SNRNP200: variants seen among roughly 807,000 people sequenced by gnomAD.
The protein encoded by SNRNP200 is U5 small nuclear ribonucleoprotein 200 kDa helicase.
Under a neutral mutation model 255.2 loss-of-function variants are expected in SNRNP200, and 66 were observed. That is an observed-to-expected ratio of 0.26 (90% CI 0.21 to 0.32). The LOEUF is 0.32. SNRNP200 is among the 10% of genes least tolerant of loss of function. The probability of loss-of-function intolerance (pLI) is 1.00; values close to 1 mark genes in which losing one functional copy is unlikely to be tolerated. For synonymous variants in SNRNP200, 939 were observed against 1,027.8 expected (o/e 0.91, Z 1.65); for missense variants, 1,585 against 2,749.8 (o/e 0.58, Z 9.47).
In SNRNP200 at chr2:96,296,627, A is replaced by G; in HGVS notation, c.1580T>C (p.Met527Thr). The change falls in exon 13 of 45, where the codon ATG becomes ACG. Residue 527 changes from methionine (M) to threonine (T), a missense_variant. Met to Thr is a moderately conservative substitution (Grantham distance 81). This residue lies in a region of SNRNP200 where 383 missense variants were observed against 645.3 expected (regional missense o/e 0.59). Coordinates refer to ENST00000323853, the MANE Select transcript of SNRNP200 (RefSeq NM_014014.5). ...MLREIGKHIN[M>T]DGTINVDDFK... is the part of the protein sequence containing the mutation. ...GTCATCCACATTGATGGTGCCGTCC[A>G]TGTTTATGTGTTTCCCAATCTCTCG... 6.2e-7 allele frequency: 1 copy of G among 1,614,146 alleles called. No individual in the cohort carries two copies. The highest frequency in any genetic ancestry group is 1.1e-5 in the South Asian group (1 of 91,080).
chr2:96,295,831 T>C (rs1355008744), intron 13 of SNRNP200, among the ~76,000 whole-genome samples, 173 bp from the exon 14 acceptor site: 1 of 152,004 alleles, frequency 6.6e-6, no homozygotes, highest in African/African-American at 2.4e-5. Context: ...CAAATTTAAC[T>C]CAGGCAAATA....
At chr2:96,279,233 T>A (rs1250602829) in intron 36 of SNRNP200, 12 of 645,182 alleles carry the variant, frequency 1.9e-5, no homozygotes, top group Non-Finnish European at 3.0e-5. Context: ...GAGAACCAAG[T>A]AGAGGGTGAA....
chr2:96,278,381 G>C lies in SNRNP200; in HGVS notation c.5489-23C>G, dbSNP rs762805972. 1.2e-6 allele frequency: 2 copies of C among 1,613,994 alleles called. No homozygotes were observed. The highest frequency in any genetic ancestry group is 1.7e-6 in the Non-Finnish European group (2 of 1,179,926). ...GCTCTGACAGAAAAAGGAAATGTGA[G>C]AGAAGCTAAAACCAGGCAGAGAAGG... On this transcript the variant is annotated intron_variant, in intron 38 of 44. Transcript: ENST00000323853. This position sits in a 1 kb window ranked among gnomAD's most constrained non-coding sequence, Gnocchi z 6.9.
intron 21 of SNRNP200, 121 bp downstream of exon 21, chr2:96,289,677 CT>C: frequency 1.1e-6 from 1 of 906,772 alleles, no homozygotes; most frequent in Non-Finnish European, 1.8e-6. Flanking sequence ...CATTTTTCTG[CT>C]GTTCTAAGCA....
rs779316946 is a variant in SNRNP200, at chr2:96,299,373, T to G, written c.685A>C (p.Met229Leu). ...CGCACGACAGCCTCGTCCCCTTCCA[T>G]GTCATCATCAGATGCCTCTTCTCGA... ...EVREEASDDD[M>L]EGDEAVVRCT... is the part of the protein sequence containing the mutation. Residue 229 changes from methionine (M) to leucine (L), a missense_variant, in exon 6 of 45, where the codon ATG becomes CTG. Physicochemically the swap from Met to Leu is conservative, Grantham distance 15. Coordinates refer to ENST00000323853, the MANE Select transcript of SNRNP200 (RefSeq NM_014014.5). 2.5e-6 allele frequency: 4 copies of G among 1,614,168 alleles called. No homozygotes were observed. In the South Asian group the frequency reaches 3.3e-5, roughly 13 times the overall value.
rs1338334381 is a variant in SNRNP200, at chr2:96,298,682, T to C, written c.903A>G (p.Glu301=). ...GCAGCAGAACCAGCTGATTTTCACA[T>C]TCCCGATCATCACTGGCCGTCTGCA... is the stretch of plus-strand genomic sequence containing the variant. ...EILKTASDDR[E]CENQLVLLLG... The change falls in exon 8 of 45, where the codon GAA becomes GAG. Residue 301 remains glutamate, a synonymous_variant. Transcript: ENST00000323853. The C allele has an allele frequency of 1.5e-5, 24 of 1,614,088 alleles. No individual in the cohort carries two copies. Among genetic ancestry groups the C allele is most frequent in the Non-Finnish European group, 2.0e-5 (24 of 1,180,050 alleles).
In SNRNP200 at chr2:96,287,485, C is replaced by T. The variant is rs1249004019; in HGVS notation, c.3438G>A (p.Lys1146=). The part of the protein sequence containing the change: ...PEEVVKKIEK[K]NFPFERLYDL... ...CGTACAGACGCTCAAAGGGGAAATT[C>T]TTCTTCTCAATCTTCTTCACTACTT... is the stretch of plus-strand genomic sequence containing the variant. The change falls in exon 26 of 45, where the codon AAG becomes AAA. Residue 1146 remains lysine (K), a synonymous_variant. Transcript: ENST00000323853. This position sits in a 1 kb window ranked among gnomAD's most constrained non-coding sequence, Gnocchi z 5.7. 2.5e-6 allele frequency: 4 copies of T among 1,613,988 alleles called. No homozygotes were observed. Among genetic ancestry groups the T allele is most frequent in the African/African-American group, 1.3e-5 (1 of 74,890 alleles).
At chr2:96,281,701 G>A (rs927508301) in intron 35 of SNRNP200, 113 bp downstream of exon 35, 4 of 897,128 alleles carry the variant, frequency 4.5e-6, no homozygotes, top group Admixed American at 1.8e-5. Context: ...CATCTCAGCT[G>A]TTAACTTCCC....
intron 1 of SNRNP200, among the ~76,000 whole-genome samples, chr2:96,305,178 A>G (rs951706868): frequency 7.9e-5 from 12 of 152,082 alleles, no homozygotes; most frequent in Non-Finnish European, 4.4e-5. Flanking sequence ...TTAGCGTTGA[A>G]GGTACTCGAG....
rs1004074635 is a variant in SNRNP200 at position 96,291,181 on chromosome 2, T to A, written c.2421+211A>T. On this transcript the variant is annotated intron_variant, in intron 18 of 44. Coordinates refer to ENST00000323853, the MANE Select transcript of SNRNP200 (RefSeq NM_014014.5). The surrounding 1 kb of genome is among the most constrained non-coding windows in gnomAD (Gnocchi z 4.2). ...AGTCACCAAAGTGCTTGCTTCACTA[T>A]GCTTCTCAGACTATCCTAAACTCAA... 6.6e-6 allele frequency among the ~76,000 whole-genome samples: 1 copy of A among 152,206 alleles called. No individual in the cohort carries two copies. Among genetic ancestry groups the A allele is most frequent in the Admixed American group, 6.5e-5 (1 of 15,282 alleles).
In SNRNP200 at chr2:96,293,368, C is replaced by T; in HGVS notation, c.1984G>A (p.Ala662Thr). 6.2e-7 allele frequency: 1 copy of T among 1,614,184 alleles called. No individual in the cohort carries two copies. Among genetic ancestry groups the T allele is most frequent in the South Asian group, 1.1e-5 (1 of 91,078 alleles). Residue 662 changes from alanine (A) to threonine (T), a missense_variant, in exon 15 of 45, where the codon GCC becomes ACC. Physicochemically the swap from Ala to Thr is moderately conservative, Grantham distance 58. Coordinates refer to ENST00000323853, the MANE Select transcript of SNRNP200 (RefSeq NM_014014.5). ...SATLPNYEDV[A>T]TFLRVDPAKG... Reference sequence around the variant, plus strand: ...GCAGGGTCAACACGTAGAAAGGTGGCTACATCTTCATAGTTGGGTAGGGTG... The same window carrying T: ...GCAGGGTCAACACGTAGAAAGGTGGTTACATCTTCATAGTTGGGTAGGGTG...
rs775905225 is a variant in SNRNP200 at position 96,289,339 on chromosome 2, G to A, written c.2981C>T (p.Thr994Ile). The A allele has an allele frequency of 6.2e-7, 1 of 1,614,156 alleles. No homozygotes were observed. The highest frequency in any genetic ancestry group is 1.7e-5 in the Admixed American group (1 of 60,034). The change falls in exon 22 of 45, where the codon ACC becomes ATC. Residue 994 changes from threonine to isoleucine, a missense_variant. This residue lies in a region of SNRNP200 where 719 missense variants were observed against 1,091.1 expected (regional missense o/e 0.66). Transcript: ENST00000323853. Reference protein sequence around the residue: ...LGRIASHYYITNDTVQTYNQL... With the variant: ...LGRIASHYYIINDTVQTYNQL... ...GTTGTAAGTCTGCACTGTATCATTG[G>A]TGATGTAGTAGTGGCTGGCTATACG...
In SNRNP200 at chr2:96,290,532, A is replaced by T. The variant is rs780164066; in HGVS notation, c.2554-18T>A. On this transcript the variant is annotated intron_variant, in intron 19 of 44. Coordinates refer to ENST00000323853, the MANE Select transcript of SNRNP200 (RefSeq NM_014014.5). The surrounding 1 kb of genome is among the most constrained non-coding windows in gnomAD (Gnocchi z 4.5). Reference sequence around the variant, plus strand: ...CCCAGCATCTAGATCAGAGACAGCGAACCAAGAATGCTATGTCAAGAGAAT... The same window carrying T: ...CCCAGCATCTAGATCAGAGACAGCGTACCAAGAATGCTATGTCAAGAGAAT... 1.2e-6 allele frequency: 2 copies of T among 1,614,220 alleles called. No homozygotes were observed. The highest frequency in any genetic ancestry group is 2.2e-5 in the South Asian group (2 of 91,088).
chr2:96,284,114 T>C, intron 31 of SNRNP200, 110 bp from the exon 32 acceptor site: 1 of 1,085,452 alleles, frequency 9.2e-7, no homozygotes. Context: ...CATTCTTCCT[T>C]CTAACTAGGA....
In SNRNP200 at chr2:96,299,400, C is replaced by G; in HGVS notation, c.658G>C (p.Val220Leu). The G allele has an allele frequency of 6.2e-7, 1 of 1,614,118 alleles. No homozygotes were observed. The change falls in exon 6 of 45, where the codon GTT becomes CTT. Residue 220 changes from valine (V) to leucine (L), a missense_variant. Physicochemically the swap from Val to Leu is conservative, Grantham distance 32. Around this residue, in one of 9 missense-constraint regions of SNRNP200, gnomAD observed 383 missense variants for 645.3 expected, o/e 0.59. Transcript: ENST00000323853. ...EEGDEDVYGE[V>L]REEASDDDME... The stretch of plus-strand genomic sequence containing the variant: ...TCATCATCAGATGCCTCTTCTCGAA[C>G]CTCCCCGTATACGTCTTCATCACCT...
Position 96,277,334 on chromosome 2 carries a change from C to CT in SNRNP200, c.5932-94dup. The CT allele has an allele frequency of 7.1e-7, 1 of 1,409,612 alleles. No individual in the cohort carries two copies. The highest frequency in any genetic ancestry group is 1.0e-6 in the Non-Finnish European group (1 of 997,470). The allele number at this position is 1,409,612 out of a possible 1,614,324, so 87.3% of individuals were successfully genotyped here. A position where few individuals can be genotyped will look rare whatever the true frequency, so the allele number is the denominator to read the frequency against. On this transcript the variant is annotated intron_variant, in intron 41 of 44. Coordinates refer to ENST00000323853, the MANE Select transcript of SNRNP200 (RefSeq NM_014014.5). The surrounding 1 kb of genome is among the most constrained non-coding windows in gnomAD (Gnocchi z 4.4). ...AGAGCTACTAATTTTACCTCCTACA[C>CT]TATCAAGTCATCTAGATAAAACAGC...
intron 8 of SNRNP200, 26 bp downstream of exon 8, chr2:96,298,577 G>T: frequency 6.2e-7 from 1 of 1,607,798 alleles, no homozygotes; most frequent in Non-Finnish European, 8.5e-7. Context: ...TACTCACTCT[G>T]CAGGAAGACC....
At chr2:96,303,987 C>T (rs2063971162) in intron 2 of SNRNP200, among the ~76,000 whole-genome samples, 1 of 151,996 alleles carries the variant, frequency 6.6e-6, no homozygotes, top group African/African-American at 2.4e-5. Flanking sequence ...TGCATTTTCC[C>T]TTTCTAGCTA....
chr2:96,304,954 C>A, intron 1 of SNRNP200, 86 bp from the exon 2 acceptor site: 15 of 1,452,542 alleles, frequency 1.0e-5, no homozygotes, highest in South Asian at 2.4e-5. Context: ...TGGAAAAAAT[C>A]GTAGTAACTA....
Sources: allele counts gnomAD v4.1 joint callset (sites outside exome capture counted in the v4.1 genomes callset), GRCh38; gene constraint gnomAD v4.1.1; regional missense constraint gnomAD v4.1.1; non-coding constraint Gnocchi (gnomAD v3.1); transcripts MANE v1.5; gene names NCBI Gene and HGNC (gene_info 2026-07-23, HGNC 2026-07-21).